CUL3: variants seen among roughly 807,000 people sequenced by gnomAD.
The protein encoded by CUL3 is cullin 3.
A neutral mutation model predicts 89.1 loss-of-function variants in CUL3; 19 were observed. The observed-to-expected ratio is 0.21, with a 90% CI of 0.15 to 0.31. The LOEUF (loss-of-function observed/expected upper bound fraction) is 0.31. Among genes scored for constraint, CUL3 ranks in the 10% least tolerant of loss-of-function variants. CUL3 has a pLI of 1.00. For synonymous variants in CUL3, 351 were observed against 308.4 expected, an observed-to-expected ratio of 1.14 and a Z score of -1.45; for missense variants, 469 against 942.3, an observed-to-expected ratio of 0.50 and a Z score of 6.58.
At position 224,472,150 on chromosome 2, in the gene CUL3, A is replaced by G. The variant is rs146425747; in HGVS notation, c.*2095T>C. 9.6e-5 allele frequency: 22 copies of G among 228,366 alleles called. No homozygotes were observed. In the Admixed American group the frequency reaches 1.2e-3, roughly 12 times the overall value. The allele number at this position is 228,366 out of a possible 1,614,324, so 14.1% of individuals were successfully genotyped here. Reference sequence around the variant, plus strand: ...TTCAACTGCAATTCAGAAATGTTTTAATGTATTTAGAAGCATAAATATCAA... The same window carrying G: ...TTCAACTGCAATTCAGAAATGTTTTGATGTATTTAGAAGCATAAATATCAA... On this transcript the variant is annotated 3_prime_UTR_variant, in exon 16 of 16. Coordinates refer to ENST00000264414, the MANE Select transcript of CUL3 (RefSeq NM_003590.5).
chr2:224,493,135 C>G (rs1398152649), intron 13 of CUL3, among the ~76,000 whole-genome samples: 1 of 152,204 alleles, frequency 6.6e-6, no homozygotes, highest in Non-Finnish European at 1.5e-5. Flanking sequence ...TTCTCAATCC[C>G]TAACCCACAG....
At chr2:224,577,259 G>T (rs1420933796) in intron 1 of CUL3, among the ~76,000 whole-genome samples, 1 of 152,176 alleles carries the variant, frequency 6.6e-6, no homozygotes, top group Non-Finnish European at 1.5e-5. Flanking sequence ...GCTACAAGAA[G>T]TAACTTGTTA....
intron 3 of CUL3, among the ~76,000 whole-genome samples, chr2:224,532,475 A>AAT (rs35021843): frequency 2.2e-4 from 33 of 151,340 alleles, no homozygotes; most frequent in Admixed American, 5.3e-4. Context: ...AAAAAAAAAA[A>AAT]CAAGGAGAAT....
chr2:224,511,257 TG>T, intron 6 of CUL3, 96 bp downstream of exon 6: 1 of 850,358 alleles, frequency 1.2e-6, no homozygotes, highest in Non-Finnish European at 1.8e-6. Context: ...CAAAACTTCT[TG>T]AAAGCTGATA....
chr2:224,497,917 G>A (rs766572612), intron 11 of CUL3, 68 bp from the exon 12 acceptor site: 25 of 1,162,744 alleles, frequency 2.2e-5, no homozygotes, highest in African/African-American at 3.0e-5. Context: ...CAAACTACAG[G>A]ATAACATCCC....
rs1407384620 is a variant in CUL3 at position 224,578,979 on chromosome 2, T to C, written c.66+5965A>G. Among the ~76,000 whole-genome samples, 6 of 152,196 alleles carry C rather than the reference T, an allele frequency of 3.9e-5. No homozygotes were observed. In the East Asian group the frequency reaches 1.2e-3, roughly 29 times the overall value. On this transcript the variant is annotated intron_variant, in intron 1 of 15. Transcript: ENST00000264414. ...ACAAACAAATGAAGCATTCTCTAAT[T>C]TGTTTGAATCAAGTTTGTGATTTAT...
At position 224,494,345 on chromosome 2, in the gene CUL3, C is replaced by A. The variant is rs1357158449; in HGVS notation, c.1842+1487G>T. Among the ~76,000 whole-genome samples the A allele has an allele frequency of 3.3e-5, 5 of 151,970 alleles. No individual in the cohort carries two copies. In the East Asian group the frequency reaches 9.6e-4, roughly 29 times the overall value. On this transcript the variant is annotated intron_variant, in intron 13 of 15. Coordinates refer to ENST00000264414, the MANE Select transcript of CUL3 (RefSeq NM_003590.5). ...TTTAAACTTAATGTGAATCACATGA[C>A]CTTCATTTTAACCCCAAAACACCCT...
intron 2 of CUL3, among the ~76,000 whole-genome samples, chr2:224,539,323 A>T (rs2106271042): frequency 6.6e-6 from 1 of 152,322 alleles, no homozygotes; most frequent in Admixed American, 6.5e-5. Flanking sequence ...AAGGACGCAG[A>T]GCAAAAGAGT....
intron 12 of CUL3, among the ~76,000 whole-genome samples, chr2:224,496,203 G>GT (rs752154226): frequency 3.3e-5 from 5 of 152,094 alleles, no homozygotes; most frequent in Non-Finnish European, 5.9e-5. Flanking sequence ...GCTAACTTTT[G>GT]TATTTTTTGT....
chr2:224,471,246 C>G lies in CUL3; in HGVS notation c.*2999G>C. 2 of 207,972 alleles carry G rather than the reference C, an allele frequency of 9.6e-6. No homozygotes were observed. The highest frequency in any genetic ancestry group is 2.0e-5 in the Non-Finnish European group (2 of 102,278). 12.9% of individuals were successfully genotyped at this position (207,972 alleles called of 1,614,324 possible). A position where few individuals can be genotyped will look rare whatever the true frequency, so the allele number is the denominator to read the frequency against. On this transcript the variant is annotated 3_prime_UTR_variant, in exon 16 of 16. Transcript: ENST00000264414. ...TTCCTTCCAAGATTGACACAATATA[C>G]CATATACTCTATAAAAAATTATTCT...
At chr2:224,479,646 G>A (rs543822325) in intron 14 of CUL3, 1 of 152,188 alleles carries the variant, frequency 6.6e-6, no homozygotes, top group East Asian at 1.9e-4. Context: ...GTTTTTTAGG[G>A]GGAAACTACT....
intron 3 of CUL3, among the ~76,000 whole-genome samples, chr2:224,521,804 A>G (rs1165748223): frequency 6.6e-6 from 1 of 152,110 alleles, no homozygotes; most frequent in African/African-American, 2.4e-5. Flanking sequence ...AGGAAAAAAA[A>G]AAAAGGTTTA....
rs1574693772 is a variant in CUL3, at chr2:224,557,992, A to AAC, written c.67-138_67-137dup. 3 of 556,378 alleles carry AAC rather than the reference A, an allele frequency of 5.4e-6. No individual in the cohort carries two copies. In the African/African-American group the frequency reaches 5.6e-5, roughly 10 times the overall value. 34.5% of individuals were successfully genotyped at this position (556,378 alleles called of 1,614,324 possible). A position where few individuals can be genotyped will look rare whatever the true frequency, so the allele number is the denominator to read the frequency against. On this transcript the variant is annotated intron_variant, in intron 1 of 15. Transcript: ENST00000264414. ...TGATTATAAATCTATGACACATAAG[A>AAC]ACATTAACAACCTATTTTAACAGGG...
intron 1 of CUL3, among the ~76,000 whole-genome samples, chr2:224,577,023 G>C (rs1254011052): frequency 6.6e-6 from 1 of 152,128 alleles, no homozygotes; most frequent in Non-Finnish European, 1.5e-5. Context: ...TCTAGAAGTT[G>C]TACAATAAAA....
intron 6 of CUL3, among the ~76,000 whole-genome samples, chr2:224,509,806 T>C (rs778905590): frequency 6.6e-6 from 1 of 152,210 alleles, no homozygotes; most frequent in Non-Finnish European, 1.5e-5. Flanking sequence ...CATTACATAA[T>C]TTATCAATAC....
intron 1 of CUL3, among the ~76,000 whole-genome samples, chr2:224,576,075 C>G (rs1490060376): frequency 1.3e-5 from 2 of 152,096 alleles, no homozygotes; most frequent in Non-Finnish European, 2.9e-5. Context: ...TTCAGGAAGT[C>G]AGATGGTCAT....
In CUL3 at chr2:224,482,043, C is replaced by T. The variant is rs1212151981; in HGVS notation, c.1878G>A (p.Glu626=). Residue 626 remains glutamate (E), a synonymous_variant, in exon 14 of 16, where the codon GAG becomes GAA. Transcript: ENST00000264414. The part of the protein sequence containing the change: ...IQQETDIPER[E]LVRALQSLAC... ...CGAGGGACTGTAGGGCTCTAACAAG[C>T]TCTCTTTCAGGGATATCTGTCTCTT... 6.2e-7 allele frequency: 1 copy of T among 1,605,450 alleles called. No individual in the cohort carries two copies. The highest frequency in any genetic ancestry group is 1.1e-5 in the South Asian group (1 of 87,998).
chr2:224,509,565 G>A (rs1692735160), intron 6 of CUL3, among the ~76,000 whole-genome samples: 1 of 152,210 alleles, frequency 6.6e-6, no homozygotes, highest in South Asian at 2.1e-4. Context: ...TAGCTACTGT[G>A]TTGTTGGAAA....
intron 13 of CUL3, 118 bp downstream of exon 13, chr2:224,495,714 A>G: frequency 1.3e-6 from 1 of 746,082 alleles, no homozygotes; most frequent in South Asian, 2.0e-5. Context: ...CATTTTATAC[A>G]GTTTTCTCTA....
Sources: allele counts gnomAD v4.1 joint callset (sites outside exome capture counted in the v4.1 genomes callset), GRCh38; gene constraint gnomAD v4.1.1; transcripts MANE v1.5; gene names NCBI Gene and HGNC (gene_info 2026-07-23, HGNC 2026-07-21).